Variants in PGM1 observed in about 807,000 individuals in gnomAD.
PGM1 encodes phosphoglucomutase-1.
PGM1 carries 52 observed loss-of-function variants against 55.6 expected under a neutral mutation model. The observed-to-expected ratio is 0.94, with a 90% CI of 0.75 to 1.18. PGM1 has a LOEUF of 1.18. PGM1 is among the 50% of genes most tolerant of loss of function. The pLI, the probability that PGM1 is intolerant of heterozygous loss-of-function variation, is 0.00. For missense variants in PGM1, 724 were observed against 729.3 expected, an observed-to-expected ratio of 0.99 and a Z score of 0.08; for synonymous variants, 287 against 271.7, an observed-to-expected ratio of 1.06 and a Z score of -0.55.
intron 10 of PGM1, among the ~76,000 whole-genome samples, chr1:63,656,253 G>A (rs771752611): frequency 1.4e-4 from 21 of 152,156 alleles, no homozygotes; most frequent in Non-Finnish European, 2.9e-4. Flanking sequence ...CTGTTAGGAT[G>A]GCTGTTCTCA....
intron 1 of PGM1, among the ~76,000 whole-genome samples, chr1:63,626,867 C>A (rs1360055717): frequency 1.3e-5 from 2 of 152,076 alleles, no homozygotes; most frequent in Non-Finnish European, 2.9e-5. Context: ...GAACAACTCC[C>A]CATCTTTCCC....
At chr1:63,604,921 G>C (rs1210613992) in intron 1 of PGM1, among the ~76,000 whole-genome samples, 1 of 77,032 alleles carries the variant, frequency 1.3e-5, no homozygotes, top group East Asian at 2.9e-4. Flanking sequence ...ATAACTCTGT[G>C]TGTGTGTGTG....
chr1:63,601,527 G>A (rs377479570), intron 1 of PGM1, among the ~76,000 whole-genome samples: 38 of 152,278 alleles, frequency 2.5e-4, no homozygotes, highest in East Asian at 1.4e-3. Context: ...GACATAGCCA[G>A]TTATTCTGCT....
intron 1 of PGM1, among the ~76,000 whole-genome samples, chr1:63,613,508 T>G (rs965922578): frequency 6.6e-6 from 1 of 152,008 alleles, no homozygotes; most frequent in Non-Finnish European, 1.5e-5. Flanking sequence ...AATCTCTACC[T>G]CTGTCTTCAC....
Position 63,654,438 on chromosome 1 carries a change from A to T in PGM1, c.1571A>T (p.Asp524Val), listed in dbSNP as rs762504415. ...IRLYIDSYEKDVAKINQDPQV... is the reference protein window; with the variant it reads ...IRLYIDSYEKVVAKINQDPQV... ...CTGTACATCGATAGCTATGAGAAGG[A>T]CGTTGCCAAGATTAACCAGGACCCC... Residue 524 changes from aspartate to valine, a missense_variant, in exon 10 of 11, where the codon GAC becomes GTC. Physicochemically the swap from Asp to Val is radical, Grantham distance 152 (BLOSUM62 -3). Coordinates refer to ENST00000371084, the MANE Select transcript of PGM1 (RefSeq NM_002633.3). 1 of 1,614,074 alleles carries T rather than the reference A, an allele frequency of 6.2e-7. No individual in the cohort carries two copies. Among genetic ancestry groups the T allele is most frequent in the South Asian group, 1.1e-5 (1 of 91,080 alleles).
At chr1:63,607,177 A>T (rs368740666) in intron 1 of PGM1, among the ~76,000 whole-genome samples, 3 of 152,190 alleles carry the variant, frequency 2.0e-5, no homozygotes, top group Admixed American at 6.5e-5. Context: ...TTCAGTCTCT[A>T]CGTTTGTGTG....
rs145687901 is a variant in PGM1 at position 63,596,019 on chromosome 1, C to T, written c.246+2285C>T. 2.0e-5 allele frequency among the ~76,000 whole-genome samples: 3 copies of T among 152,246 alleles called. No homozygotes were observed. The East Asian group carries it at 5.8e-4, about 29-fold the overall frequency. ...ACTACTCCAGTAGAATTGCTCTTGCCAAAGTTACTAGGGACTTGCCAGTTG... is the reference window on the plus strand; with the variant it reads ...ACTACTCCAGTAGAATTGCTCTTGCTAAAGTTACTAGGGACTTGCCAGTTG... On this transcript the variant is annotated intron_variant, in intron 1 of 10. Transcript: ENST00000371084.
At chr1:63,594,543 C>T (rs1647982343) in intron 1 of PGM1, among the ~76,000 whole-genome samples, 1 of 152,016 alleles carries the variant, frequency 6.6e-6, no homozygotes, top group South Asian at 2.1e-4. Context: ...ATTACCGCAA[C>T]ACCTTGGTTC....
Position 63,651,663 on chromosome 1 carries a change from T to C in PGM1, c.1281-6T>C. On this transcript the variant is annotated splice_region_variant and splice_polypyrimidine_tract_variant and intron_variant, in intron 8 of 10. Coordinates refer to ENST00000371084, the MANE Select transcript of PGM1 (RefSeq NM_002633.3). ...CCGTGGGCCTCAACTTCGTGACTTC[T>C]TCCAGGTATGATTACGAGGAGGTGG... 6.2e-7 allele frequency: 1 copy of C among 1,613,328 alleles called. No individual in the cohort carries two copies. The highest frequency in any genetic ancestry group is 1.1e-5 in the South Asian group (1 of 90,964).
intron 8 of PGM1, among the ~76,000 whole-genome samples, chr1:63,649,610 A>G (rs1649752384): frequency 1.3e-5 from 2 of 152,252 alleles, no homozygotes; most frequent in African/African-American, 4.8e-5. Flanking sequence ...CCCAGATTTT[A>G]TAGTCCGTGA....
chr1:63,648,005 A>C (rs1017195446), intron 7 of PGM1, among the ~76,000 whole-genome samples: 4 of 152,154 alleles, frequency 2.6e-5, no homozygotes, highest in African/African-American at 9.7e-5. Context: ...TTGCCTACTT[A>C]ATATGTGATT....
At chr1:63,623,571 A>G in intron 1 of PGM1, 1 of 1,612,870 alleles carries the variant, frequency 6.2e-7, no homozygotes, top group Non-Finnish European at 8.5e-7. Flanking sequence ...AACCAGGAAC[A>G]AGTGGATTAC....
At chr1:63,643,953 G>A (rs1649587643) in intron 7 of PGM1, among the ~76,000 whole-genome samples, 1 of 152,214 alleles carries the variant, frequency 6.6e-6, no homozygotes, top group South Asian at 2.1e-4. Flanking sequence ...AAAAGAAAGA[G>A]ACAGACAGAC....
chr1:63,593,644 G>C lies in PGM1; in HGVS notation c.156G>C (p.Arg52=), dbSNP rs754650412. The change falls in exon 1 of 11, where the codon CGG becomes CGC. Residue 52 remains arginine, a synonymous_variant. Transcript: ENST00000371084. ...SIISTVEPAQ[R]QEATLVVGGD... ...TCTCCACCGTGGAGCCGGCGCAGCG[G>C]CAGGAGGCCACGCTGGTGGTGGGCG... is the stretch of plus-strand genomic sequence containing the variant. 3.7e-6 allele frequency: 6 copies of C among 1,610,854 alleles called. No individual in the cohort carries two copies.
chr1:63,650,597 A>G (rs890028369), intron 8 of PGM1, among the ~76,000 whole-genome samples: 3 of 152,184 alleles, frequency 2.0e-5, no homozygotes, highest in African/African-American at 7.2e-5. Context: ...TCTTGCATAT[A>G]TGATATCTAT....
rs776021665 is a variant in PGM1, at chr1:63,629,514, C to T, written c.336C>T (p.Ile112=). ...GAAAAATCAAAGCCATTGGTGGGAT[C>T]ATTCTGACAGCCAGTCACAACCCAG... The part of the protein sequence containing the change: ...IIRKIKAIGG[I]ILTASHNPGG... Residue 112 remains isoleucine (I), a synonymous_variant, in exon 2 of 11, where the codon ATC becomes ATT. Transcript: ENST00000371084. The T allele has an allele frequency of 2.5e-6, 4 of 1,613,608 alleles. No individual in the cohort carries two copies. Among genetic ancestry groups the T allele is most frequent in the Non-Finnish European group, 3.4e-6 (4 of 1,179,694 alleles).
intron 4 of PGM1, among the ~76,000 whole-genome samples, chr1:63,633,139 A>C (rs902056937): frequency 6.6e-6 from 1 of 152,208 alleles, no homozygotes; most frequent in African/African-American, 2.4e-5. Flanking sequence ...GGTATAAAGA[A>C]AGGTTTCCTG....
At chr1:63,629,834 T>C in intron 2 of PGM1, 108 bp from the exon 3 acceptor site, 2 of 1,321,130 alleles carry the variant, frequency 1.5e-6, no homozygotes, top group South Asian at 2.4e-5. Flanking sequence ...GCTGACTGAA[T>C]GATGAAATGG....
At chr1:63,599,348 T>C (rs950721328) in intron 1 of PGM1, among the ~76,000 whole-genome samples, 1 of 152,078 alleles carries the variant, frequency 6.6e-6, no homozygotes, top group African/African-American at 2.4e-5. Flanking sequence ...GTATTTTTAG[T>C]AGAAACGAGG....
Sources: gnomAD v4.1 joint callset for allele counts (sites outside exome capture counted in the v4.1 genomes callset) on GRCh38, gnomAD v4.1.1 for gene constraint, MANE v1.5 for transcripts, NCBI Gene and HGNC (gene_info 2026-07-23, HGNC 2026-07-21) for gene names.